TNS3: variants seen among roughly 807,000 people sequenced by gnomAD.
TNS3 encodes tensin-3.
In TNS3, 45 loss-of-function variants were observed where a neutral mutation model predicts 140.9. The ratio of observed to expected loss-of-function variants is 0.32; its 90% CI spans 0.25 to 0.41. The LOEUF is 0.41. Among genes scored for constraint, TNS3 ranks in the 10% least tolerant of loss-of-function variants. TNS3 has a pLI of 1.00. For missense variants in TNS3, 1,716 were observed against 1,906.7 expected (o/e 0.90, Z 1.86); for synonymous variants, 815 against 788.4 (o/e 1.03, Z -0.56).
At chr7:47,506,079 C>T (rs1396919882) in intron 3 of TNS3, among the ~76,000 whole-genome samples, 1 of 152,190 alleles carries the variant, frequency 6.6e-6, no homozygotes, top group Non-Finnish European at 1.5e-5. Flanking sequence ...CTCCTCTTCC[C>T]TGGACCTACA....
chr7:47,518,453 A>C (rs2151911832), intron 2 of TNS3, among the ~76,000 whole-genome samples: 1 of 152,214 alleles, frequency 6.6e-6, no homozygotes, highest in Non-Finnish European at 1.5e-5. Context: ...CAGCCCCTAA[A>C]ACTCTTGAAG....
chr7:47,528,837 A>C (rs1465161273), intron 2 of TNS3, among the ~76,000 whole-genome samples, 199 bp downstream of exon 2: 1 of 152,192 alleles, frequency 6.6e-6, no homozygotes, highest in Non-Finnish European at 1.5e-5. Context: ...TTTCTGTAAA[A>C]ATGTCCTCAT....
At chr7:47,560,038 C>A (rs949651367) in intron 1 of TNS3, among the ~76,000 whole-genome samples, 3 of 152,156 alleles carry the variant, frequency 2.0e-5, no homozygotes, top group African/African-American at 7.2e-5. Flanking sequence ...CAAGAGCCGG[C>A]CGCGGGTCTC....
chr7:47,456,016 A>G (rs953264), intron 4 of TNS3, among the ~76,000 whole-genome samples: 94,294 of 152,188 alleles, frequency 0.62, 29,807 homozygotes, highest in Non-Finnish European at 0.69. Context: ...CAAATGCCAG[A>G]TGATGAATCC....
chr7:47,525,069 T>C (rs552470007), intron 2 of TNS3, among the ~76,000 whole-genome samples: 22 of 152,294 alleles, frequency 1.4e-4, no homozygotes, highest in South Asian at 2.1e-4. Context: ...AGTGCTACAC[T>C]GGGTTCCCTG....
rs1800207635 is a variant in TNS3 at position 47,556,819 on chromosome 7, C to T, written c.-265+25232G>A. 2.0e-5 allele frequency among the ~76,000 whole-genome samples: 3 copies of T among 152,238 alleles called. No homozygotes were observed. In the South Asian group the frequency reaches 6.2e-4, roughly 31 times the overall value. ...AGGGGAATGCAACCTCCCATAAACC[C>T]AAATGGCAAAACTCCACAAGTCTTT... On this transcript the variant is annotated intron_variant, in intron 1 of 30. Transcript: ENST00000311160.
At chr7:47,361,448 A>G (rs952647817) in intron 17 of TNS3, among the ~76,000 whole-genome samples, 1 of 152,084 alleles carries the variant, frequency 6.6e-6, no homozygotes, top group Admixed American at 6.5e-5. Context: ...CCTGGCTGAG[A>G]GGCTCTGGCT....
intron 3 of TNS3, among the ~76,000 whole-genome samples, chr7:47,488,234 C>A (rs1797682970): frequency 6.6e-6 from 1 of 152,166 alleles, no homozygotes; most frequent in South Asian, 2.1e-4. Flanking sequence ...ATTACAAGGG[C>A]AGGGTAAGGA....
intron 3 of TNS3, among the ~76,000 whole-genome samples, chr7:47,494,566 A>G (rs1240806836): frequency 6.6e-6 from 1 of 152,146 alleles, no homozygotes; most frequent in Admixed American, 6.5e-5. Flanking sequence ...GTGATAAGGG[A>G]GGGTTAACAG....
At chr7:47,439,894 G>A (rs1810136) in intron 5 of TNS3, among the ~76,000 whole-genome samples, 1 of 151,954 alleles carries the variant, frequency 6.6e-6, no homozygotes, top group Non-Finnish European at 1.5e-5. Flanking sequence ...ACGGGGTACC[G>A]CAAGCTGCGG....
At chr7:47,541,715 G>T (rs149400784) in intron 1 of TNS3, among the ~76,000 whole-genome samples, 1,793 of 152,274 alleles carry the variant, frequency 0.012, 33 homozygotes, top group African/African-American at 0.041. Context: ...TTGTGAGGCT[G>T]AGGCGAGCGG....
chr7:47,529,156 G>A lies in TNS3; in HGVS notation c.-264-9C>T. ...GAGGTTAATTCTTCCGGCTGAAAAA[G>A]TAAAGGAAGAAATTGTCAACGTTTC... On this transcript the variant is annotated splice_polypyrimidine_tract_variant and intron_variant, in intron 1 of 30. Coordinates refer to ENST00000311160, the MANE Select transcript of TNS3 (RefSeq NM_022748.12). 8.0e-7 allele frequency: 1 copy of A among 1,246,066 alleles called. No individual in the cohort carries two copies. Among genetic ancestry groups the A allele is most frequent in the Non-Finnish European group, 1.0e-6 (1 of 961,968 alleles). 77.2% of individuals were successfully genotyped at this position (1,246,066 alleles called of 1,614,324 possible). A position where few individuals can be genotyped will look rare whatever the true frequency, so the allele number is the denominator to read the frequency against.
intron 2 of TNS3, among the ~76,000 whole-genome samples, chr7:47,516,256 A>T (rs952560547): frequency 3.9e-5 from 6 of 152,226 alleles, no homozygotes; most frequent in Non-Finnish European, 5.9e-5. Context: ...AATTGTAAAG[A>T]TCACGGCACT....
chr7:47,481,253 G>T, intron 3 of TNS3, 112 bp from the exon 4 acceptor site: 1 of 769,974 alleles, frequency 1.3e-6, no homozygotes, highest in Non-Finnish European at 1.9e-6. Context: ...ACCTCACTCT[G>T]GCTACAAAGC....
intron 4 of TNS3, among the ~76,000 whole-genome samples, chr7:47,472,828 A>G (rs1797012384): frequency 6.6e-6 from 1 of 152,166 alleles, no homozygotes; most frequent in African/African-American, 2.4e-5. Context: ...GGCTGAGGCC[A>G]TGGGCAATGA....
chr7:47,520,835 A>G (rs58909947), intron 2 of TNS3, among the ~76,000 whole-genome samples: 43,702 of 152,132 alleles, frequency 0.29, 6,486 homozygotes, highest in East Asian at 0.4. Context: ...TCCCCGGTAG[A>G]AGTCAACCCC....
intron 1 of TNS3, among the ~76,000 whole-genome samples, chr7:47,562,831 G>A (rs1055281781): frequency 1.3e-5 from 2 of 152,188 alleles, no homozygotes; most frequent in Non-Finnish European, 2.9e-5. Context: ...TCAGTCTCTT[G>A]GCTGTGCATG....
intron 7 of TNS3, among the ~76,000 whole-genome samples, chr7:47,436,980 C>T (rs1353151627): frequency 6.6e-6 from 1 of 152,090 alleles, no homozygotes; most frequent in African/African-American, 2.4e-5. Flanking sequence ...TATACCAATG[C>T]CAACTTCCTG....
At chr7:47,449,088 G>A (rs1024325412) in intron 4 of TNS3, among the ~76,000 whole-genome samples, 2 of 152,368 alleles carry the variant, frequency 1.3e-5, no homozygotes, top group South Asian at 2.1e-4. Context: ...TGCACTGTAT[G>A]TTGCCGATAC....
Sources: gnomAD v4.1 joint callset for allele counts (sites outside exome capture counted in the v4.1 genomes callset) on GRCh38, gnomAD v4.1.1 for gene constraint, MANE v1.5 for transcripts, NCBI Gene and HGNC (gene_info 2026-07-23, HGNC 2026-07-21) for gene names.